The following KY variants were observed in gnomAD, a reference collection of about 807,000 sequenced individuals.
The protein encoded by KY is kyphoscoliosis peptidase.
A neutral mutation model predicts 76.1 loss-of-function variants in KY; 43 were observed. The observed-to-expected ratio is 0.57, with a 90% CI of 0.44 to 0.73. The LOEUF is 0.73. Among genes scored for constraint, KY ranks in the 30% least tolerant of loss-of-function variants. KY has a pLI of 0.00. For synonymous variants in KY, 277 were observed against 326.2 expected (o/e 0.85, Z 1.63); for missense variants, 722 against 828.9 (o/e 0.87, Z 1.58).
rs981777746 is a variant in KY, at chr3:134,602,883, C to T, written c.*696G>A. On this transcript the variant is annotated 3_prime_UTR_variant, in exon 11 of 11. Coordinates refer to ENST00000423778, the MANE Select transcript of KY (RefSeq NM_178554.6). ...GGGCTGCTCTTTGCTTTGCAGTCTCCTCACAACTTTCTGGTTGTCACATTC... is the reference window on the plus strand; with the variant it reads ...GGGCTGCTCTTTGCTTTGCAGTCTCTTCACAACTTTCTGGTTGTCACATTC... 6.6e-6 allele frequency among the ~76,000 whole-genome samples: 1 copy of T among 152,230 alleles called. No individual in the cohort carries two copies. The highest frequency in any genetic ancestry group is 2.4e-5 in the African/African-American group (1 of 41,458).
intron 6 of KY, among the ~76,000 whole-genome samples, chr3:134,623,621 C>T (rs1207772791): frequency 2.0e-5 from 3 of 151,566 alleles, no homozygotes; most frequent in African/African-American, 7.3e-5. Context: ...TCTGCAGGCT[C>T]CTGTGGGATC....
At chr3:134,608,871 C>G (rs764729234) in intron 9 of KY, 32 bp from the exon 10 acceptor site, 5 of 1,583,510 alleles carry the variant, frequency 3.2e-6, no homozygotes, top group Non-Finnish European at 4.3e-6. Flanking sequence ...TAGCAGCCAG[C>G]TCCATGCAGG....
intron 8 of KY, among the ~76,000 whole-genome samples, chr3:134,614,241 A>G (rs576313144): frequency 6.6e-6 from 1 of 152,304 alleles, no homozygotes; most frequent in Admixed American, 6.5e-5. Context: ...CACCTCCTGA[A>G]GAGCTCCGAC....
chr3:134,631,300 G>GA (rs905269415), intron 3 of KY, among the ~76,000 whole-genome samples: 2 of 152,018 alleles, frequency 1.3e-5, no homozygotes, highest in Non-Finnish European at 2.9e-5. Flanking sequence ...AACTATTAAA[G>GA]AAAAAAATAT....
At chr3:134,612,345 C>G (rs979335269) in intron 8 of KY, among the ~76,000 whole-genome samples, 1 of 152,116 alleles carries the variant, frequency 6.6e-6, no homozygotes, top group African/African-American at 2.4e-5. Flanking sequence ...CAGAAGGAGG[C>G]AGTAGCTGAG....
Position 134,608,811 on chromosome 3 carries a change from G to A in KY, c.928C>T (p.Pro310Ser). ...AAGTGGTCCTCGATGAACAGTGCAG[G>A]GTGGGTGAGGAAGTAGAACTCATTG... The part of the protein sequence containing the change: ...LYNEFYFLTH[P>S]ALFIEDHFPD... Residue 310 changes from proline (P) to serine (S), a missense_variant, in exon 10 of 11, where the codon CCT (proline) becomes TCT (serine). Physicochemically the swap from Pro to Ser is moderately conservative, Grantham distance 74. Coordinates refer to ENST00000423778, the MANE Select transcript of KY (RefSeq NM_178554.6). 1 of 1,612,900 alleles carries A rather than the reference G, an allele frequency of 6.2e-7. No homozygotes were observed. Among genetic ancestry groups the A allele is most frequent in the Non-Finnish European group, 8.5e-7 (1 of 1,178,966 alleles).
chr3:134,641,420 G>T (rs1348669644), intron 3 of KY: 1 of 152,202 alleles, frequency 6.6e-6, no homozygotes, highest in Non-Finnish European at 1.5e-5. Context: ...CACAGGGAGA[G>T]TCAGCTATTT....
At chr3:134,626,029 GA>G (rs1386827963) in intron 5 of KY, among the ~76,000 whole-genome samples, 21 of 152,266 alleles carry the variant, frequency 1.4e-4, no homozygotes. Flanking sequence ...CAGGTGCATG[GA>G]CAGCAGACCC....
At chr3:134,635,416 G>A (rs1481231289) in intron 3 of KY, among the ~76,000 whole-genome samples, 2 of 148,280 alleles carry the variant, frequency 1.3e-5, no homozygotes, top group Non-Finnish European at 3.0e-5. Context: ...AGAATCGCTT[G>A]GACCTGGGAG....
Position 134,604,109 on chromosome 3 carries a change from C to T in KY, c.1456G>A (p.Val486Met), listed in dbSNP as rs369734875. 3.7e-5 allele frequency: 59 copies of T among 1,611,390 alleles called. 1 individual carries two copies. Among genetic ancestry groups the T allele is most frequent in the Admixed American group, 2.5e-4 (15 of 59,568 alleles). The change falls in exon 11 of 11, where the codon GTG becomes ATG. Residue 486 changes from valine to methionine, a missense_variant. Physicochemically the swap from Val to Met is conservative, Grantham distance 21. Around this residue, in one of 2 missense-constraint regions of KY, gnomAD observed 552 missense variants for 680.9 expected, o/e 0.81. Coordinates refer to ENST00000423778, the MANE Select transcript of KY (RefSeq NM_178554.6). ...GCCAGGACATTAATGCCCTCCTCCA[C>T]GCTGAAGCTGATGGAGCAGCGCCCG... ...SDGRCSISFS[V>M]EEGINVLASL...
intron 9 of KY, 104 bp downstream of exon 9, chr3:134,610,091 C>T: frequency 7.8e-7 from 1 of 1,284,896 alleles, no homozygotes; most frequent in Non-Finnish European, 1.1e-6. Flanking sequence ...TCCTGGCTCT[C>T]CTTCCCCTCC....
Position 134,604,030 on chromosome 3 carries a change from A to T in KY, c.1535T>A (p.Ile512Asn). 1.9e-6 allele frequency: 3 copies of T among 1,614,016 alleles called. No homozygotes were observed. Among genetic ancestry groups the T allele is most frequent in the Non-Finnish European group, 2.5e-6 (3 of 1,179,882 alleles). Reference sequence around the variant, plus strand: ...CTGCTTCTCCCGGTGCAGCTGGAAGATGTAGCGCCGCTGTGTCTCCTCAGT... The same window carrying T: ...CTGCTTCTCCCGGTGCAGCTGGAAGTTGTAGCGCCGCTGTGTCTCCTCAGT... ...PITEETQRRY[I>N]FQLHREKQTE... Residue 512 changes from isoleucine to asparagine, a missense_variant, in exon 11 of 11, where the codon ATC (isoleucine) becomes AAC (asparagine). This residue lies in a region of KY where 552 missense variants were observed against 680.9 expected (regional missense o/e 0.81). Transcript: ENST00000423778.
intron 10 of KY, among the ~76,000 whole-genome samples, chr3:134,605,657 A>C (rs536088782): frequency 6.6e-6 from 1 of 151,298 alleles, no homozygotes; most frequent in South Asian, 2.1e-4. Flanking sequence ...CCTGCCCTAC[A>C]CTCCCACACA....
In KY at chr3:134,602,881, T is replaced by G. The variant is rs1959029739; in HGVS notation, c.*698A>C. Among the ~76,000 whole-genome samples the G allele has an allele frequency of 6.6e-6, 1 of 152,238 alleles. No homozygotes were observed. Among genetic ancestry groups the G allele is most frequent in the Non-Finnish European group, 1.5e-5 (1 of 68,046 alleles). The stretch of plus-strand genomic sequence containing the variant: ...ATGGGCTGCTCTTTGCTTTGCAGTC[T>G]CCTCACAACTTTCTGGTTGTCACAT... On this transcript the variant is annotated 3_prime_UTR_variant, in exon 11 of 11. Transcript: ENST00000423778.
chr3:134,641,096 C>G (rs139436152), intron 3 of KY: 2 of 152,408 alleles, frequency 1.3e-5, no homozygotes, highest in African/African-American at 4.8e-5. Flanking sequence ...GGGGCCTTCA[C>G]GCTCACTGCT....
At position 134,601,392 on chromosome 3, in the gene KY, A is replaced by G. The variant is rs1426378742; in HGVS notation, c.*2187T>C. ...GATGTATTGATTAATTATATTGCATATCGAAAAGGTATGGGGGTCTCCAGC... is the reference window on the plus strand; with the variant it reads ...GATGTATTGATTAATTATATTGCATGTCGAAAAGGTATGGGGGTCTCCAGC... On this transcript the variant is annotated 3_prime_UTR_variant, in exon 11 of 11. Coordinates refer to ENST00000423778, the MANE Select transcript of KY (RefSeq NM_178554.6). Among the ~76,000 whole-genome samples the G allele has an allele frequency of 6.6e-6, 1 of 152,208 alleles. No individual in the cohort carries two copies. The highest frequency in any genetic ancestry group is 6.5e-5 in the Admixed American group (1 of 15,290).
Position 134,603,284 on chromosome 3 carries a change from T to A in KY, c.*295A>T. The A allele has an allele frequency of 3.7e-6, 1 of 273,598 alleles. No individual in the cohort carries two copies. Among genetic ancestry groups the A allele is most frequent in the East Asian group, 6.8e-5 (1 of 14,758 alleles). 16.9% of individuals were successfully genotyped at this position (273,598 alleles called of 1,614,324 possible). On this transcript the variant is annotated 3_prime_UTR_variant, in exon 11 of 11. Coordinates refer to ENST00000423778, the MANE Select transcript of KY (RefSeq NM_178554.6). ...GCAACAACAACAGCAGCAGCACTAATACGAGAAGGGGCATCTGGATGCAGG... is the reference window on the plus strand; with the variant it reads ...GCAACAACAACAGCAGCAGCACTAAAACGAGAAGGGGCATCTGGATGCAGG...
At chr3:134,633,844 C>T (rs1013713402) in intron 3 of KY, among the ~76,000 whole-genome samples, 6 of 152,146 alleles carry the variant, frequency 3.9e-5, no homozygotes, top group Admixed American at 3.9e-4. Flanking sequence ...TGTCTGTCTA[C>T]ATAGGAAATC....
In KY at chr3:134,602,196, T is replaced by C. The variant is rs1408296207; in HGVS notation, c.*1383A>G. 6.6e-6 allele frequency among the ~76,000 whole-genome samples: 1 copy of C among 151,982 alleles called. No homozygotes were observed. Among genetic ancestry groups the C allele is most frequent in the Non-Finnish European group, 1.5e-5 (1 of 67,964 alleles). ...GAAGCCGGGAGTTCAGCAGGGAGCA[T>C]GTCTGTGTGCCAGGATGGTTCTGCA... On this transcript the variant is annotated 3_prime_UTR_variant, in exon 11 of 11. Coordinates refer to ENST00000423778, the MANE Select transcript of KY (RefSeq NM_178554.6).
Sources: allele counts gnomAD v4.1 joint callset (sites outside exome capture counted in the v4.1 genomes callset), GRCh38; gene constraint gnomAD v4.1.1; regional missense constraint gnomAD v4.1.1; transcripts MANE v1.5; gene names NCBI Gene and HGNC (gene_info 2026-07-23, HGNC 2026-07-21).